Variants in TPST1 observed in about 807,000 individuals in gnomAD.
TPST1 encodes protein-tyrosine sulfotransferase 1.
In TPST1, 20 loss-of-function variants were observed where a neutral mutation model predicts 34.8. The ratio of observed to expected loss-of-function variants is 0.57; its 90% CI spans 0.40 to 0.84. The LOEUF (loss-of-function observed/expected upper bound fraction) is 0.84. TPST1 is among the 40% of genes least tolerant of loss of function. The pLI is 0.00. For missense variants in TPST1, 353 were observed against 455.5 expected (o/e 0.78, Z 2.05); for synonymous variants, 152 against 159.4 (o/e 0.95, Z 0.35).
At chr7:66,359,629 C>G (rs531352638) in intron 5 of TPST1, among the ~76,000 whole-genome samples, 3 of 152,316 alleles carry the variant, frequency 2.0e-5, no homozygotes, top group African/African-American at 7.2e-5. Context: ...TGGGCAGGAG[C>G]AGCCCTGGTT....
chr7:66,300,068 T>A (rs931177609), intron 3 of TPST1, among the ~76,000 whole-genome samples: 2 of 149,176 alleles, frequency 1.3e-5, no homozygotes, highest in South Asian at 2.1e-4. Context: ...ACTTTATTGC[T>A]AAAAAAAAAA....
chr7:66,299,901 C>T (rs1791280062), intron 3 of TPST1, among the ~76,000 whole-genome samples: 1 of 152,076 alleles, frequency 6.6e-6, no homozygotes, highest in African/African-American at 2.4e-5. Context: ...GGGTTTGGTT[C>T]CAGACCACCA....
chr7:66,354,522 C>CAAAAAAAAAAAAAA (rs66521537), intron 4 of TPST1, among the ~76,000 whole-genome samples: 4 of 60,792 alleles, frequency 6.6e-5, no homozygotes, highest in East Asian at 9.8e-4. Context: ...GAGTCTGTCT[C>CAAAAAAAAAAAAAA]AAAAAAAAAA....
intron 3 of TPST1, among the ~76,000 whole-genome samples, chr7:66,346,934 T>G (rs1792362832): frequency 6.6e-6 from 1 of 152,090 alleles, no homozygotes; most frequent in African/African-American, 2.4e-5. Context: ...CCAAATGTTT[T>G]CTTTTAGCAG....
chr7:66,230,749 C>T (rs1167625246), intron 1 of TPST1, among the ~76,000 whole-genome samples: 1 of 152,166 alleles, frequency 6.6e-6, no homozygotes, highest in Non-Finnish European at 1.5e-5. Flanking sequence ...AGCGGGTTGC[C>T]ACTGCTGGCT....
intron 1 of TPST1, among the ~76,000 whole-genome samples, chr7:66,224,289 T>C (rs1457298512): frequency 6.6e-6 from 1 of 152,182 alleles, no homozygotes; most frequent in African/African-American, 2.4e-5. Flanking sequence ...TGTGATAAAA[T>C]TATTTTTCCT....
At chr7:66,227,827 T>C (rs1789696378) in intron 1 of TPST1, among the ~76,000 whole-genome samples, 1 of 152,122 alleles carries the variant, frequency 6.6e-6, no homozygotes, top group African/African-American at 2.4e-5. Context: ...CACCCTCCCT[T>C]ACCTAACAAT....
chr7:66,331,405 C>T (rs1052574733), intron 3 of TPST1, among the ~76,000 whole-genome samples: 21 of 152,074 alleles, frequency 1.4e-4, no homozygotes, highest in Admixed American at 9.8e-4. Flanking sequence ...ACATTTCTGA[C>T]GATTTTTCCT....
At chr7:66,237,896 G>A (rs750474169) in intron 1 of TPST1, among the ~76,000 whole-genome samples, 2 of 152,124 alleles carry the variant, frequency 1.3e-5, no homozygotes, top group Non-Finnish European at 2.9e-5. Context: ...GCCCAATAAC[G>A]AGATGCAGAT....
chr7:66,199,758 G>C, the TPST1 span, among the ~76,000 whole-genome samples: 2 of 149,658 alleles, frequency 1.3e-5, no homozygotes, highest in East Asian at 3.9e-4. Flanking sequence ...CTGTCGCCCA[G>C]GCTGGAGTGC....
chr7:66,277,561 G>A (rs952308445), intron 2 of TPST1, among the ~76,000 whole-genome samples: 4 of 152,048 alleles, frequency 2.6e-5, no homozygotes, highest in African/African-American at 9.7e-5. Context: ...GAATGATTTG[G>A]TGAGATGAAA....
intron 1 of TPST1, among the ~76,000 whole-genome samples, chr7:66,219,763 T>C (rs1789500747): frequency 6.6e-6 from 1 of 152,260 alleles, no homozygotes; most frequent in Non-Finnish European, 1.5e-5. Flanking sequence ...TAATAATGAC[T>C]GGGACGTACC....
chr7:66,252,097 G>T (rs949707096), intron 2 of TPST1, among the ~76,000 whole-genome samples: 9 of 151,936 alleles, frequency 5.9e-5, no homozygotes, highest in Admixed American at 5.9e-4. Context: ...TCGCTCTGTC[G>T]CCCAGGCTAG....
chr7:66,215,771 CTTTCTTTT>C (rs1284382058), intron 1 of TPST1, among the ~76,000 whole-genome samples: 1 of 108,536 alleles, frequency 9.2e-6, no homozygotes, highest in Non-Finnish European at 1.8e-5. Context: ...TTTTCTTTTT[CTTTCTTTT>C]TTTTTTTTTT....
At chr7:66,341,477 C>T (rs894296565) in intron 3 of TPST1, among the ~76,000 whole-genome samples, 2 of 152,104 alleles carry the variant, frequency 1.3e-5, no homozygotes, top group African/African-American at 4.8e-5. Flanking sequence ...GATGGGTTAT[C>T]ACCATCTTGG....
intron 1 of TPST1, among the ~76,000 whole-genome samples, chr7:66,225,430 G>A (rs1464451681): frequency 6.6e-6 from 1 of 151,644 alleles, no homozygotes; most frequent in East Asian, 2.0e-4. Context: ...TGGGCAACAT[G>A]GTGAAACCTC....
At chr7:66,256,290 G>C (rs1411830353) in intron 2 of TPST1, among the ~76,000 whole-genome samples, 1 of 152,132 alleles carries the variant, frequency 6.6e-6, no homozygotes, top group Non-Finnish European at 1.5e-5. Flanking sequence ...AGTTTTCAAA[G>C]TTAATGGATA....
At chr7:66,344,022 T>A (rs1054582537) in intron 3 of TPST1, among the ~76,000 whole-genome samples, 2 of 152,146 alleles carry the variant, frequency 1.3e-5, no homozygotes, top group Non-Finnish European at 2.9e-5. Flanking sequence ...GGACAATAGA[T>A]AACCTGGGAA....
At chr7:66,249,817 CT>C (rs1790225946) in intron 2 of TPST1, among the ~76,000 whole-genome samples, 1 of 152,084 alleles carries the variant, frequency 6.6e-6, no homozygotes, top group Non-Finnish European at 1.5e-5. Flanking sequence ...CCTGCAACAC[CT>C]TTCTCTCACT....
Sources: gnomAD v4.1 joint callset for allele counts (sites outside exome capture counted in the v4.1 genomes callset) on GRCh38, gnomAD v4.1.1 for gene constraint, MANE v1.5 for transcripts, NCBI Gene and HGNC (gene_info 2026-07-23, HGNC 2026-07-21) for gene names.